The following SENP6 variants were observed in gnomAD, a reference collection of about 807,000 sequenced individuals.
SENP6 encodes sentrin-specific protease 6.
Under a neutral mutation model 134.5 loss-of-function variants are expected in SENP6, and 41 were observed. That is an observed-to-expected ratio of 0.30 (90% CI 0.24 to 0.40). SENP6 has a LOEUF of 0.40. Ranked by LOEUF, SENP6 falls within the 10% of genes least tolerant of loss-of-function variation. The probability of loss-of-function intolerance (pLI) is 1.00; values close to 1 mark genes in which losing one functional copy is unlikely to be tolerated. For missense variants in SENP6, 1,248 were observed against 1,312.5 expected (o/e 0.95, Z 0.76); for synonymous variants, 395 against 429.8 (o/e 0.92, Z 1.00).
chr6:75,687,843 T>G (rs980834877), intron 16 of SENP6, among the ~76,000 whole-genome samples: 3 of 152,176 alleles, frequency 2.0e-5, no homozygotes, highest in African/African-American at 7.2e-5. Context: ...CCAGTTAGGC[T>G]ACACAGGGGT....
In SENP6 at chr6:75,602,558, G is replaced by A. The variant is rs1374215018; in HGVS notation, c.34G>A (p.Glu12Lys). The change falls in exon 1 of 24, where the codon GAG becomes AAG. Residue 12 changes from glutamate to lysine, a missense_variant. Transcript: ENST00000447266. Reference protein sequence around the residue: ...AAGKSGGSAGEITFLEALARS... With the variant: ...AAGKSGGSAGKITFLEALARS... ...CGGCAAGAGCGGCGGTAGCGCAGGG[G>A]AGATTACTTTTCTGGAAGGTACGTC... The A allele has an allele frequency of 1.9e-6, 3 of 1,551,626 alleles. No homozygotes were observed. In the Admixed American group the frequency reaches 5.9e-5, roughly 30 times the overall value.
chr6:75,670,523 A>T, intron 10 of SENP6, 30 bp from the exon 11 acceptor site: 1 of 1,537,646 alleles, frequency 6.5e-7, no homozygotes, highest in Non-Finnish European at 8.9e-7. Flanking sequence ...TTAGTAAATT[A>T]TTAAGTGAAC....
At chr6:75,665,660 T>TA (rs1772144059) in intron 9 of SENP6, among the ~76,000 whole-genome samples, 1 of 152,196 alleles carries the variant, frequency 6.6e-6, no homozygotes, top group Non-Finnish European at 1.5e-5. Context: ...CAAGACTTAT[T>TA]GAACATAAGG....
intron 2 of SENP6, 149 bp from the exon 3 acceptor site, chr6:75,623,751 C>A: frequency 1.8e-6 from 1 of 565,378 alleles, no homozygotes; most frequent in Non-Finnish European, 3.1e-6. Flanking sequence ...CTACAGAGAC[C>A]ATATGGCCTG....
intron 10 of SENP6, among the ~76,000 whole-genome samples, chr6:75,667,864 GAACTTA>G (rs1458512728): frequency 6.6e-6 from 1 of 152,080 alleles, no homozygotes; most frequent in Non-Finnish European, 1.5e-5. Flanking sequence ...ATAAAAATTA[GAACTTA>G]TATCAGTGAC....
In SENP6 at chr6:75,640,781, T is replaced by C. The variant is rs191206742; in HGVS notation, c.479+77T>C. On this transcript the variant is annotated intron_variant, in intron 6 of 23. Coordinates refer to ENST00000447266, the MANE Select transcript of SENP6 (RefSeq NM_015571.4). ...AATTATTTATATGTTTTGAAAAATA[T>C]TGGTTGAATTAGAGTTTATAATTAA... 4.5e-6 allele frequency: 4 copies of C among 893,374 alleles called. No individual in the cohort carries two copies. In the East Asian group the frequency reaches 8.6e-5, roughly 19 times the overall value. The allele number at this position is 893,374 out of a possible 1,614,324, so 55.3% of individuals were successfully genotyped here.
rs764184627 is a variant in SENP6, at chr6:75,663,357, A to T, written c.833A>T (p.Asn278Ile). 35 of 1,613,722 alleles carry T rather than the reference A, an allele frequency of 2.2e-5. No individual in the cohort carries two copies. The South Asian group carries it at 3.3e-4, about 15-fold the overall frequency. Residue 278 changes from asparagine (N) to isoleucine (I), a missense_variant, in exon 9 of 24, where the codon AAC becomes ATC. Coordinates refer to ENST00000447266, the MANE Select transcript of SENP6 (RefSeq NM_015571.4). ...TGLTTKKFYG[N>I]NVEKVPIDII... ...TTAACAACCAAGAAGTTTTATGGCA[A>T]CAATGTGGAAAAGGTTCCAATTGAT...
intron 7 of SENP6, among the ~76,000 whole-genome samples, chr6:75,654,233 A>G (rs1163306816): frequency 6.6e-6 from 1 of 152,178 alleles, no homozygotes; most frequent in Non-Finnish European, 1.5e-5. Flanking sequence ...GTGAGACCCT[A>G]TCTCAAAAAC....
chr6:75,616,702 C>T (rs906264372), intron 1 of SENP6, among the ~76,000 whole-genome samples: 18 of 147,970 alleles, frequency 1.2e-4, no homozygotes, highest in Admixed American at 2.0e-4. Context: ...GTTGAGATTG[C>T]GCCACTGCAC....
chr6:75,603,484 T>C (rs1020753808), intron 1 of SENP6, among the ~76,000 whole-genome samples: 1 of 152,236 alleles, frequency 6.6e-6, no homozygotes, highest in African/African-American at 2.4e-5. Flanking sequence ...TCATTCTTCT[T>C]GTTAAAAAGA....
Position 75,618,909 on chromosome 6 carries a change from A to T in SENP6, c.53-2623A>T, listed in dbSNP as rs1008461924. On this transcript the variant is annotated intron_variant, in intron 1 of 23. Transcript: ENST00000447266. Reference sequence around the variant, plus strand: ...ACTGATGGTTTGCTCATTAAGACTTATTTCCTCCTGTTCATGATATTTCTG... The same window carrying T: ...ACTGATGGTTTGCTCATTAAGACTTTTTTCCTCCTGTTCATGATATTTCTG... Among the ~76,000 whole-genome samples the T allele has an allele frequency of 4.1e-5, 6 of 146,876 alleles. 1 individual carries two copies. The South Asian group carries it at 1.3e-3, about 32-fold the overall frequency.
In SENP6 at chr6:75,650,073, C is replaced by T. The variant is rs1270509917; in HGVS notation, c.550+2272C>T. Among the ~76,000 whole-genome samples, 3 of 152,162 alleles carry T rather than the reference C, an allele frequency of 2.0e-5. 1 individual carries two copies. The highest frequency in any genetic ancestry group is 2.0e-4 in the Admixed American group (3 of 15,274). ...TCCCACATAGCATTTGTCATGTTCT[C>T]TTAGTTTCCTTAACGATTTTGAAGA... On this transcript the variant is annotated intron_variant, in intron 7 of 23. Coordinates refer to ENST00000447266, the MANE Select transcript of SENP6 (RefSeq NM_015571.4).
At chr6:75,696,732 C>T (rs1192676075) in intron 17 of SENP6, among the ~76,000 whole-genome samples, 1 of 152,188 alleles carries the variant, frequency 6.6e-6, no homozygotes, top group Non-Finnish European at 1.5e-5. Context: ...TCACCTCTGC[C>T]TCCCCAAAGT....
intron 1 of SENP6, among the ~76,000 whole-genome samples, chr6:75,617,360 G>A (rs1042270156): frequency 6.9e-5 from 9 of 131,048 alleles, no homozygotes; most frequent in South Asian, 2.5e-4. Context: ...TGCGACCTCC[G>A]TCTCCTGGGT....
At position 75,601,908 on chromosome 6, in the gene SENP6, A is replaced by G. The variant is rs1307866722; in HGVS notation, c.-617A>G. 2.0e-5 allele frequency: 3 copies of G among 151,924 alleles called. No individual in the cohort carries two copies. Among genetic ancestry groups the G allele is most frequent in the African/African-American group, 7.3e-5 (3 of 41,336 alleles). The allele number at this position is 151,924 out of a possible 1,614,324, so 9.4% of individuals were successfully genotyped here. A position where few individuals can be genotyped will look rare whatever the true frequency, so the allele number is the denominator to read the frequency against. ...GGCGGCGGCTGGAGCTGCTGTGGCGACCGACGCGAGGCGGTGGCAGAGGAG... is the reference window on the plus strand; with the variant it reads ...GGCGGCGGCTGGAGCTGCTGTGGCGGCCGACGCGAGGCGGTGGCAGAGGAG... On this transcript the variant is annotated 5_prime_UTR_variant, in exon 1 of 24. Coordinates refer to ENST00000447266, the MANE Select transcript of SENP6 (RefSeq NM_015571.4).
At chr6:75,638,471 T>A (rs1227646745) in intron 5 of SENP6, among the ~76,000 whole-genome samples, 2 of 149,216 alleles carry the variant, frequency 1.3e-5, no homozygotes, top group African/African-American at 2.4e-5. Context: ...AAGAATACCA[T>A]GACTTGTTAA....
At chr6:75,632,173 C>A (rs1362686925) in intron 3 of SENP6, among the ~76,000 whole-genome samples, 1 of 152,156 alleles carries the variant, frequency 6.6e-6, no homozygotes, top group Non-Finnish European at 1.5e-5. Flanking sequence ...GAGCATTATT[C>A]ATAATCTCTG....
chr6:75,602,538 A>T lies in SENP6; in HGVS notation c.14A>T (p.Lys5Met). Residue 5 changes from lysine to methionine, a missense_variant, in exon 1 of 24, where the codon AAG becomes ATG. Physicochemically the swap from Lys to Met is moderately conservative, Grantham distance 95. This residue lies in a region of SENP6 where 733 missense variants were observed against 725.4 expected (regional missense o/e 1.01). Coordinates refer to ENST00000447266, the MANE Select transcript of SENP6 (RefSeq NM_015571.4). MAAG[K>M]SGGSAGEITF... ...GGGAGGAGGAAGATGGCGGCCGGCA[A>T]GAGCGGCGGTAGCGCAGGGGAGATT... The T allele has an allele frequency of 5.2e-6, 8 of 1,551,550 alleles. No individual in the cohort carries two copies. Among genetic ancestry groups the T allele is most frequent in the Non-Finnish European group, 7.0e-6 (8 of 1,146,930 alleles).
At chr6:75,604,843 T>C (rs1249658718) in intron 1 of SENP6, among the ~76,000 whole-genome samples, 2 of 151,774 alleles carry the variant, frequency 1.3e-5, no homozygotes, top group Admixed American at 1.3e-4. Flanking sequence ...GAGGCCGAGA[T>C]GAACGGATCA....
Sources: gnomAD v4.1 joint callset for allele counts (sites outside exome capture counted in the v4.1 genomes callset) on GRCh38, gnomAD v4.1.1 for gene constraint, gnomAD v4.1.1 regional missense constraint, MANE v1.5 for transcripts, NCBI Gene and HGNC (gene_info 2026-07-23, HGNC 2026-07-21) for gene names.